ULK4: variants seen among roughly 807,000 people sequenced by gnomAD.
ULK4 encodes the protein unc-51 like kinase 4.
In ULK4, 133 loss-of-function variants were observed where a neutral mutation model predicts 160.6. The ratio of observed to expected loss-of-function variants is 0.83; its 90% CI spans 0.72 to 0.96. ULK4 has a LOEUF of 0.96. ULK4 is among the 40% of genes least tolerant of loss of function. ULK4 has a pLI of 0.00. For synonymous variants in ULK4, 534 were observed against 539.8 expected (o/e 0.99, Z 0.15); for missense variants, 1,580 against 1,499.5 (o/e 1.05, Z -0.89).
At chr3:41,856,573 ATG>A (rs1283889509) in intron 17 of ULK4, among the ~76,000 whole-genome samples, 2 of 69,426 alleles carry the variant, frequency 2.9e-5, no homozygotes, top group African/African-American at 7.6e-5. Context: ...ACATATATAT[ATG>A]TGTATATATA....
chr3:41,543,491 A>G (rs528147764), intron 32 of ULK4, among the ~76,000 whole-genome samples: 2 of 152,290 alleles, frequency 1.3e-5, no homozygotes, highest in Admixed American at 6.5e-5. Flanking sequence ...ACACTGTAGT[A>G]CCTGATCTCC....
intron 29 of ULK4, among the ~76,000 whole-genome samples, chr3:41,672,828 A>G (rs2035583647): frequency 6.6e-6 from 1 of 152,060 alleles, no homozygotes; most frequent in African/African-American, 2.4e-5. Flanking sequence ...ATGTACAAAT[A>G]TCATATATCC....
At chr3:41,910,175 C>T (rs946135568) in intron 11 of ULK4, among the ~76,000 whole-genome samples, 9 of 152,162 alleles carry the variant, frequency 5.9e-5, no homozygotes, top group Admixed American at 1.3e-4. Context: ...GGATTACAGG[C>T]GTGAGCTACT....
intron 35 of ULK4, among the ~76,000 whole-genome samples, chr3:41,328,889 T>C (rs180954845): frequency 1.3e-5 from 2 of 152,336 alleles, no homozygotes; most frequent in African/African-American, 2.4e-5. Flanking sequence ...TGGTTCCTTA[T>C]TCCTTTATTT....
At chr3:41,277,090 G>A (rs1427371798) in intron 35 of ULK4, among the ~76,000 whole-genome samples, 1 of 152,094 alleles carries the variant, frequency 6.6e-6, no homozygotes, top group Admixed American at 6.6e-5. Flanking sequence ...AAAAAGCAGT[G>A]AGACTGAAAT....
At chr3:41,498,090 C>G (rs1311370446) in intron 32 of ULK4, among the ~76,000 whole-genome samples, 3 of 152,126 alleles carry the variant, frequency 2.0e-5, no homozygotes, top group African/African-American at 7.2e-5. Context: ...AGCCACAACT[C>G]CAGAATACAC....
chr3:41,771,211 T>A (rs902834566), intron 21 of ULK4, among the ~76,000 whole-genome samples: 1 of 152,222 alleles, frequency 6.6e-6, no homozygotes, highest in Non-Finnish European at 1.5e-5. Flanking sequence ...TCTGTCAGAA[T>A]ATTTCCATTA....
intron 31 of ULK4, among the ~76,000 whole-genome samples, chr3:41,613,640 T>C (rs2032817633): frequency 6.6e-6 from 1 of 152,202 alleles, no homozygotes; most frequent in South Asian, 2.1e-4. Flanking sequence ...TTTCATCGAT[T>C]GAAAAATGTA....
intron 32 of ULK4, among the ~76,000 whole-genome samples, chr3:41,536,652 G>T (rs2125947010): frequency 6.6e-6 from 1 of 152,222 alleles, no homozygotes; most frequent in African/African-American, 2.4e-5. Context: ...ATATCACAAG[G>T]AAAAGAAAAT....
intron 30 of ULK4, among the ~76,000 whole-genome samples, chr3:41,645,076 TTC>T (rs577003741): frequency 9.9e-5 from 15 of 151,846 alleles, no homozygotes; most frequent in African/African-American, 3.2e-4. Context: ...TATTTGATTC[TTC>T]TCTCTTTTTT....
At chr3:41,289,768 G>C (rs781694860) in intron 35 of ULK4, among the ~76,000 whole-genome samples, 4 of 152,076 alleles carry the variant, frequency 2.6e-5, no homozygotes, top group African/African-American at 9.7e-5. Flanking sequence ...TCTAACACCA[G>C]AAACTGACCC....
chr3:41,593,811 C>T (rs571842157), intron 31 of ULK4, among the ~76,000 whole-genome samples: 1 of 152,058 alleles, frequency 6.6e-6, no homozygotes, highest in African/African-American at 2.4e-5. Flanking sequence ...GTGGGCAGAT[C>T]ACTTGAGCTC....
At chr3:41,402,222 T>C (rs558710950) in intron 34 of ULK4, among the ~76,000 whole-genome samples, 48 of 152,344 alleles carry the variant, frequency 3.2e-4, no homozygotes, top group African/African-American at 1.1e-3. Flanking sequence ...TGAAAACTTG[T>C]TGAACTCACT....
intron 33 of ULK4, among the ~76,000 whole-genome samples, chr3:41,456,479 T>C (rs1316123515): frequency 1.3e-5 from 2 of 152,224 alleles, no homozygotes; most frequent in East Asian, 1.9e-4. Flanking sequence ...TATCATTGCA[T>C]GAATAGGCTT....
At chr3:41,542,596 T>C (rs2086732808) in intron 32 of ULK4, among the ~76,000 whole-genome samples, 1 of 152,190 alleles carries the variant, frequency 6.6e-6, no homozygotes, top group Non-Finnish European at 1.5e-5. Context: ...GAAGGAATGG[T>C]ACAAGCTCCT....
At chr3:41,290,059 G>C (rs926592987) in intron 35 of ULK4, among the ~76,000 whole-genome samples, 5 of 152,108 alleles carry the variant, frequency 3.3e-5, no homozygotes, top group African/African-American at 1.2e-4. Context: ...ATTTTTAGGA[G>C]AGACGGAGTT....
rs546127063 is a variant in ULK4 at position 41,829,049 on chromosome 3, G to C, written c.1764+6815C>G. 8.6e-5 allele frequency among the ~76,000 whole-genome samples: 13 copies of C among 151,140 alleles called. No homozygotes were observed. In the East Asian group the frequency reaches 1.7e-3, roughly 20 times the overall value. The stretch of plus-strand genomic sequence containing the variant: ...TGACAAAAACAAGCAATGGGGAAAG[G>C]ATTCCCTATTTAATAAATGGTGCTG... On this transcript the variant is annotated intron_variant, in intron 18 of 36. Transcript: ENST00000301831.
chr3:41,917,823 A>AG (rs887471719), intron 7 of ULK4, among the ~76,000 whole-genome samples: 1 of 151,798 alleles, frequency 6.6e-6, no homozygotes, highest in Non-Finnish European at 1.5e-5. Flanking sequence ...CTAATAAAAA[A>AG]CAAAAAACAA....
In ULK4 at chr3:41,698,378, C is replaced by T. The variant is rs145252157; in HGVS notation, c.2781+6679G>A. On this transcript the variant is annotated intron_variant, in intron 27 of 36. Coordinates refer to ENST00000301831, the MANE Select transcript of ULK4 (RefSeq NM_017886.4). ...CTAGGCTCCAGTTATTCTCCCACCT[C>T]AGCCTCCCAAGTAGCTGCGACTATA... 4.4e-4 allele frequency among the ~76,000 whole-genome samples: 67 copies of T among 152,258 alleles called. No individual in the cohort carries two copies. In the East Asian group the frequency reaches 9.5e-3, roughly 21 times the overall value.
Sources: allele counts gnomAD v4.1 joint callset (sites outside exome capture counted in the v4.1 genomes callset), GRCh38; gene constraint gnomAD v4.1.1; transcripts MANE v1.5; gene names NCBI Gene and HGNC (gene_info 2026-07-23, HGNC 2026-07-21).